OSBPL7: variants seen among roughly 807,000 people sequenced by gnomAD.
OSBPL7 encodes the protein oxysterol binding protein like 7, also known as oxysterol-binding protein-related protein 7.
In OSBPL7, 66 loss-of-function variants were observed where a neutral mutation model predicts 115.8. That is an observed-to-expected ratio of 0.57 (90% confidence interval 0.47 to 0.70). The LOEUF (loss-of-function observed/expected upper bound fraction) is 0.70, where lower values mean the gene tolerates loss of function less well. OSBPL7 is among the 30% of genes least tolerant of loss of function. The probability of loss-of-function intolerance (pLI) is 0.00; values close to 1 mark genes in which losing one functional copy is unlikely to be tolerated. For synonymous variants in OSBPL7, 441 were observed against 439.2 expected (o/e 1.00, Z -0.05); for missense variants, 902 against 1,125.5 (o/e 0.80, Z 2.84).
chr17:47,819,725 T>C lies in OSBPL7; in HGVS notation c.255+4A>G. The C allele has an allele frequency of 6.2e-7, 1 of 1,614,026 alleles. No homozygotes were observed. The highest frequency in any genetic ancestry group is 8.5e-7 in the Non-Finnish European group (1 of 1,179,988). Reference sequence around the variant, plus strand: ...CACAACCCCAAGCCACTGCCCGGGCTCACGTCTTGCCGGGTTGTTGCATAA... The same window carrying C: ...CACAACCCCAAGCCACTGCCCGGGCCCACGTCTTGCCGGGTTGTTGCATAA... On this transcript the variant is annotated splice_donor_region_variant and intron_variant, in intron 4 of 22. Transcript: ENST00000007414.
chr17:47,818,289 C>A lies in OSBPL7; in HGVS notation c.578G>T (p.Gly193Val). The change falls in exon 7 of 23, where the codon GGG becomes GTG. Residue 193 changes from glycine to valine, a missense_variant. Physicochemically the swap from Gly to Val is moderately radical, Grantham distance 109. Coordinates refer to ENST00000007414, the MANE Select transcript of OSBPL7 (RefSeq NM_145798.3). ...KVSSWLRDSDGLDRCSHELSE... is the reference protein window; with the variant it reads ...KVSSWLRDSDVLDRCSHELSE... ...CTCACCATGAGAGCAGCGGTCCAGC[C>A]CATCACTGTCCCTCAGCCAGGAAGA... 1 of 1,613,928 alleles carries A rather than the reference C, an allele frequency of 6.2e-7. No individual in the cohort carries two copies. The highest frequency in any genetic ancestry group is 1.1e-5 in the South Asian group (1 of 91,056).
In OSBPL7 at chr17:47,815,197, G is replaced by T; in HGVS notation, c.1257+18C>A. ...TCCCCCCTACCCCGCCTCACTGCCAGCTTCTCTCCTCCCTCACCTCATTCT... is the reference window on the plus strand; with the variant it reads ...TCCCCCCTACCCCGCCTCACTGCCATCTTCTCTCCTCCCTCACCTCATTCT... On this transcript the variant is annotated intron_variant, in intron 13 of 22. Transcript: ENST00000007414. 3 of 1,602,648 alleles carry T rather than the reference G, an allele frequency of 1.9e-6. No homozygotes were observed. Among genetic ancestry groups the T allele is most frequent in the Non-Finnish European group, 1.7e-6 (2 of 1,171,904 alleles).
In OSBPL7 at chr17:47,808,140, C is replaced by T. The variant is rs1464611555; in HGVS notation, c.*151G>A. The stretch of plus-strand genomic sequence containing the variant: ...GTTGGGGGTGGGCTGAGATGCAGAC[C>T]CTCTGGCCAGCAGAGGGGAGGGAGG... On this transcript the variant is annotated 3_prime_UTR_variant, in exon 23 of 23. Coordinates refer to ENST00000007414, the MANE Select transcript of OSBPL7 (RefSeq NM_145798.3). The surrounding 1 kb of genome is among the most constrained non-coding windows in gnomAD (Gnocchi z 6.1). The T allele has an allele frequency of 3.2e-6, 2 of 627,276 alleles. No homozygotes were observed. The highest frequency in any genetic ancestry group is 5.6e-6 in the Non-Finnish European group (2 of 357,472). The allele number at this position is 627,276 out of a possible 1,614,324, so 38.9% of individuals were successfully genotyped here.
chr17:47,813,138 C>A (rs182329288), intron 16 of OSBPL7, 128 bp downstream of exon 16: 44 of 1,299,738 alleles, frequency 3.4e-5, no homozygotes, highest in African/African-American at 4.4e-5. Flanking sequence ...CCGCAGAGCC[C>A]GGCACAGAGC....
At chr17:47,815,556 G>T (rs904127019) in intron 12 of OSBPL7, 2 of 619,402 alleles carry the variant, frequency 3.2e-6, no homozygotes, top group Non-Finnish European at 5.5e-6. Context: ...GGGAGTGAGG[G>T]GACGCAGGCT....
At position 47,821,727 on chromosome 17, in the gene OSBPL7, TCTCCGAGTCACCGG is replaced by T. The variant is rs2033399999; in HGVS notation, c.-163_-150del. Reference sequence around the variant, plus strand: ...GCGCCGCTCTGCCTCTGAGTCACCGTCTCCGAGTCACCGGCTCCCTCCTCACCGCGCTGAGCAGT... The same window carrying T: ...GCGCCGCTCTGCCTCTGAGTCACCGTCTCCCTCCTCACCGCGCTGAGCAGT... On this transcript the variant is annotated 5_prime_UTR_variant, in exon 1 of 23. Transcript: ENST00000007414. 1 of 152,274 alleles carries T rather than the reference TCTCCGAGTCACCGG, an allele frequency of 6.6e-6. No homozygotes were observed. The highest frequency in any genetic ancestry group is 1.5e-5 in the Non-Finnish European group (1 of 68,144). 9.4% of individuals were successfully genotyped at this position (152,274 alleles called of 1,614,324 possible).
At chr17:47,811,294 C>G (rs2033034246) in intron 16 of OSBPL7, among the ~76,000 whole-genome samples, 1 of 151,148 alleles carries the variant, frequency 6.6e-6, no homozygotes, top group South Asian at 2.1e-4. Flanking sequence ...GGCTCCACAT[C>G]TGGAGCCTTC....
In OSBPL7 at chr17:47,819,771, C is replaced by T; in HGVS notation, c.213G>A (p.Val71=). 1 of 1,614,176 alleles carries T rather than the reference C, an allele frequency of 6.2e-7. No homozygotes were observed. The highest frequency in any genetic ancestry group is 8.5e-7 in the Non-Finnish European group (1 of 1,180,030). ...PLKGWHKRYF[V]LEDGILHYAT... is the part of the protein sequence containing the mutation. ...CATAATGAAGGATCCCGTCCTCGAG[C>T]ACAAAGTATCTCTGTGATGTTGCCC... Residue 71 remains valine (V), a synonymous_variant, in exon 4 of 23, where the codon GTG becomes GTA. Coordinates refer to ENST00000007414, the MANE Select transcript of OSBPL7 (RefSeq NM_145798.3).
intron 1 of OSBPL7, 174 bp from the exon 2 acceptor site, chr17:47,820,539 A>T (rs2033367831): frequency 2.1e-6 from 1 of 479,030 alleles, no homozygotes; most frequent in East Asian, 3.9e-5. Flanking sequence ...CCTGATATGG[A>T]CACTGCCCTG....
At position 47,818,501 on chromosome 17, in the gene OSBPL7, C is replaced by G. The variant is rs761881422; in HGVS notation, c.480+5G>C. ...TACCTGCCCCCACCCCAGGGTCCAC[C>G]TTACCTTCCGGTGAGCAGTACTGGG... On this transcript the variant is annotated splice_donor_5th_base_variant and intron_variant, in intron 6 of 22. Transcript: ENST00000007414. The G allele has an allele frequency of 1.3e-6, 2 of 1,595,016 alleles. No individual in the cohort carries two copies. The highest frequency in any genetic ancestry group is 2.3e-5 in the South Asian group (2 of 88,280).
At position 47,815,429 on chromosome 17, in the gene OSBPL7, A is replaced by T. The variant is rs1156729612; in HGVS notation, c.1120-77T>A. 4 of 1,575,546 alleles carry T rather than the reference A, an allele frequency of 2.5e-6. No individual in the cohort carries two copies. The Admixed American group carries it at 7.4e-5, about 29-fold the overall frequency. ...CAAGCAGGGCACCCGCTTGCCTGAC[A>T]GTTCCCTTGAGAGGGAGGCATAACC... On this transcript the variant is annotated intron_variant, in intron 12 of 22. Transcript: ENST00000007414.
At chr17:47,820,389 T>A in intron 1 of OSBPL7, 24 bp from the exon 2 acceptor site, 1 of 1,061,132 alleles carries the variant, frequency 9.4e-7, no homozygotes, top group Admixed American at 2.6e-5. Flanking sequence ...AAAGACCCCC[T>A]TAACGCAAAC....
At chr17:47,815,556 G>A (rs904127019) in intron 12 of OSBPL7, 2 of 619,520 alleles carry the variant, frequency 3.2e-6, no homozygotes, top group East Asian at 2.8e-5. Flanking sequence ...GGGAGTGAGG[G>A]GACGCAGGCT....
chr17:47,808,979 G>A lies in OSBPL7; in HGVS notation c.2182C>T (p.Pro728Ser). ...AAGCCGAAGTTTCGCTCATGGTCGGGGGGCATTGAGTCTGGGGGAAGGCAA... is the reference window on the plus strand; with the variant it reads ...AAGCCGAAGTTTCGCTCATGGTCGGAGGGCATTGAGTCTGGGGGAAGGCAA... ...QCIWKPNSMP[P>S]DHERNFGFTQ... is the part of the protein sequence containing the mutation. The change falls in exon 21 of 23, where the codon CCC (proline) becomes TCC (serine). Residue 728 changes from proline (P) to serine (S), a missense_variant. By Grantham distance (74) the Pro-to-Ser change is moderately conservative (BLOSUM62 -1). This residue lies in a region of OSBPL7 where 230 missense variants were observed against 312.7 expected (regional missense o/e 0.74). Transcript: ENST00000007414. This position sits in a 1 kb window ranked among gnomAD's most constrained non-coding sequence, Gnocchi z 6.1. 6.2e-7 allele frequency: 1 copy of A among 1,614,162 alleles called. No homozygotes were observed. Among genetic ancestry groups the A allele is most frequent in the Admixed American group, 1.7e-5 (1 of 60,026 alleles).
Position 47,815,364 on chromosome 17 carries a change from G to A in OSBPL7, c.1120-12C>T. On this transcript the variant is annotated splice_polypyrimidine_tract_variant and intron_variant, in intron 12 of 22. Coordinates refer to ENST00000007414, the MANE Select transcript of OSBPL7 (RefSeq NM_145798.3). ...TACAGAGCTTCTTGCTGTGGGAGCA[G>A]CCAGATGGATGTCAGGCTCCGGGGC... 1 of 1,613,044 alleles carries A rather than the reference G, an allele frequency of 6.2e-7. No homozygotes were observed. The highest frequency in any genetic ancestry group is 8.5e-7 in the Non-Finnish European group (1 of 1,179,674).
chr17:47,810,547 GGATT>G (rs776921542), intron 18 of OSBPL7, 43 bp downstream of exon 18: 1 of 1,547,672 alleles, frequency 6.5e-7, no homozygotes, highest in East Asian at 2.2e-5. Context: ...CCAGCCTGAA[GGATT>G]GCCTGTGGCT....
Position 47,810,689 on chromosome 17 carries a change from GGAGGGA to G in OSBPL7, c.1802-23_1802-18del. 4 of 1,613,616 alleles carry G rather than the reference GGAGGGA, an allele frequency of 2.5e-6. No homozygotes were observed. The highest frequency in any genetic ancestry group is 3.4e-6 in the Non-Finnish European group (4 of 1,179,522). On this transcript the variant is annotated intron_variant, in intron 17 of 22. Coordinates refer to ENST00000007414, the MANE Select transcript of OSBPL7 (RefSeq NM_145798.3). ...ACTTCATATCTGGAATTGGATTAGG[GGAGGGA>G]GAGTGAACAACAGAGATAAGGCCAG...
rs1276320435 is a variant in OSBPL7 at position 47,813,310 on chromosome 17, C to T, written c.1693G>A (p.Glu565Lys). 1.2e-6 allele frequency: 2 copies of T among 1,614,102 alleles called. No individual in the cohort carries two copies. The highest frequency in any genetic ancestry group is 1.1e-5 in the South Asian group (1 of 91,080). Residue 565 changes from glutamate (E) to lysine (K), a missense_variant, in exon 16 of 23, where the codon GAG becomes AAG. Physicochemically the swap from Glu to Lys is moderately conservative, Grantham distance 56 (BLOSUM62 1). Around this residue, in one of 3 missense-constraint regions of OSBPL7, gnomAD observed 667 missense variants for 788.7 expected, o/e 0.85. Coordinates refer to ENST00000007414, the MANE Select transcript of OSBPL7 (RefSeq NM_145798.3). ...AAGCCTCGGTCAGGCCGCTCACACT[C>T]GTAGGTCTCCCCCAGGACAGGGTTG... ...PFNPVLGETY[E>K]CERPDRGFRF...
At chr17:47,815,187 C>G in intron 13 of OSBPL7, 28 bp downstream of exon 13, 1 of 1,600,332 alleles carries the variant, frequency 6.2e-7, no homozygotes, top group Non-Finnish European at 8.5e-7. Flanking sequence ...CCTACCCCGC[C>G]TCACTGCCAG....
Sources: allele counts gnomAD v4.1 joint callset (sites outside exome capture counted in the v4.1 genomes callset), GRCh38; gene constraint gnomAD v4.1.1; regional missense constraint gnomAD v4.1.1; non-coding constraint Gnocchi (gnomAD v3.1); transcripts MANE v1.5; gene names NCBI Gene and HGNC (gene_info 2026-07-23, HGNC 2026-07-21).